The following CCND3 variants were observed in gnomAD, a reference collection of about 807,000 sequenced individuals.
The protein encoded by CCND3 is cyclin D3, also known as G1/S-specific cyclin-D3.
CCND3 carries 9 observed loss-of-function variants against 28.7 expected under a neutral mutation model. That is an observed-to-expected ratio of 0.31 (90% CI 0.19 to 0.55). The LOEUF is 0.55. Ranked by LOEUF, CCND3 falls within the 20% of genes least tolerant of loss-of-function variation. CCND3 has a pLI of 0.93. For synonymous variants in CCND3, 164 were observed against 163.9 expected (o/e 1.00, Z 0.00); for missense variants, 315 against 385.8 (o/e 0.82, Z 1.54).
At chr6:42,015,215 T>A (rs6928971) in intron 1 of CCND3, among the ~76,000 whole-genome samples, 117,354 of 151,462 alleles carry the variant, frequency 0.77, 46,311 homozygotes, top group Non-Finnish European at 0.85. Flanking sequence ...AGCTCCAGAA[T>A]GGACACCCTT....
intron 1 of CCND3, among the ~76,000 whole-genome samples, chr6:42,011,395 G>A (rs1235994125): frequency 6.6e-6 from 1 of 152,170 alleles, no homozygotes; most frequent in East Asian, 1.9e-4. Context: ...AAAATGCTGA[G>A]ATTATAGGCA....
intron 1 of CCND3, 102 bp from the exon 2 acceptor site, chr6:41,940,687 CAG>C (rs1775974566): frequency 4.7e-6 from 4 of 852,698 alleles, no homozygotes; most frequent in Non-Finnish European, 5.9e-6. Flanking sequence ...GCAAAAACGG[CAG>C]AGAGGGTAAG....
intron 1 of CCND3, among the ~76,000 whole-genome samples, chr6:42,035,656 C>T (rs1259027580): frequency 2.7e-5 from 4 of 149,766 alleles, no homozygotes; most frequent in East Asian, 2.0e-4. Flanking sequence ...TGTTAGCCAC[C>T]GTGCCCAGCT....
chr6:41,950,713 CTTTTTTTTTTTTT>C (rs1396527175), intron 1 of CCND3, among the ~76,000 whole-genome samples: 25 of 137,198 alleles, frequency 1.8e-4, no homozygotes, highest in African/African-American at 5.6e-4. Flanking sequence ...TTTTTTTTTT[CTTTTTTTTTTTTT>C]GAGATGGAGT....
At chr6:41,956,109 T>C (rs1330678493) in intron 1 of CCND3, among the ~76,000 whole-genome samples, 1 of 151,972 alleles carries the variant, frequency 6.6e-6, no homozygotes, top group Non-Finnish European at 1.5e-5. Context: ...CTGGCCAACA[T>C]GGTGAAACCC....
intron 1 of CCND3, among the ~76,000 whole-genome samples, chr6:42,045,206 C>T (rs1030907920): frequency 6.6e-6 from 1 of 152,098 alleles, no homozygotes; most frequent in Non-Finnish European, 1.5e-5. Context: ...ATATTTCAGC[C>T]TCCCTGTCTC....
chr6:42,003,051 A>G (rs1017703317), intron 1 of CCND3, among the ~76,000 whole-genome samples: 1 of 151,398 alleles, frequency 6.6e-6, no homozygotes, highest in African/African-American at 2.4e-5. Context: ...AATCCCAGCT[A>G]CTTGGGAGGC....
At chr6:41,961,995 C>T (rs919874056) in intron 1 of CCND3, among the ~76,000 whole-genome samples, 2 of 152,186 alleles carry the variant, frequency 1.3e-5, no homozygotes, top group African/African-American at 4.8e-5. Flanking sequence ...TCTGGTCCTT[C>T]CACTCAGTGC....
Position 41,935,625 on chromosome 6 carries a change from G to GA in CCND3, c.*314_*315insT, listed in dbSNP as rs961622162. ...ATGAGAGCCCCCAGGGGTGGGGGGG[G>GA]GCGTTCAAAAGGAATGCTGGTGTAT... On this transcript the variant is annotated 3_prime_UTR_variant, in exon 5 of 5. Transcript: ENST00000372991. 1.1e-5 allele frequency: 5 copies of GA among 469,666 alleles called. No homozygotes were observed. Among genetic ancestry groups the GA allele is most frequent in the Non-Finnish European group, 1.9e-5 (5 of 262,918 alleles). The allele number at this position is 469,666 out of a possible 1,614,324, so 29.1% of individuals were successfully genotyped here. A position where few individuals can be genotyped will look rare whatever the true frequency, so the allele number is the denominator to read the frequency against.
At position 41,938,716 on chromosome 6, in the gene CCND3, G is replaced by A. The variant is rs1472170738; in HGVS notation, c.415-1322C>T. Among the ~76,000 whole-genome samples the A allele has an allele frequency of 6.6e-6, 1 of 152,150 alleles. No homozygotes were observed. Among genetic ancestry groups the A allele is most frequent in the African/African-American group, 2.4e-5 (1 of 41,416 alleles). On this transcript the variant is annotated intron_variant, in intron 2 of 4. Transcript: ENST00000372991. The surrounding 1 kb of genome is among the most constrained non-coding windows in gnomAD (Gnocchi z 4.6). Reference sequence around the variant, plus strand: ...CTGGGAGTGCTTAGCTTCAGTAGGTGGCAGCGGCCATCACATTCCTGACTT... The same window carrying A: ...CTGGGAGTGCTTAGCTTCAGTAGGTAGCAGCGGCCATCACATTCCTGACTT...
chr6:42,028,671 C>T (rs572525719), intron 1 of CCND3, among the ~76,000 whole-genome samples: 3 of 152,328 alleles, frequency 2.0e-5, no homozygotes, highest in East Asian at 1.9e-4. Context: ...AGCTGGGTTC[C>T]GTTCCCAGCT....
In CCND3 at chr6:42,001,680, T is replaced by C. The variant is rs796547121; in HGVS notation, c.-46+46821A>G. ...TCACTTGAGCTCAGGAGTTCAAGGA[T>C]AGCCTGAGCAGCACAGCAAGACTCC... On this transcript the variant is annotated intron_variant, in intron 1 of 4. Transcript: ENST00000372988. Among the ~76,000 whole-genome samples the C allele has an allele frequency of 3.1e-4, 47 of 152,064 alleles. 1 individual carries two copies. Among genetic ancestry groups the C allele is most frequent in the African/African-American group, 1.1e-3 (46 of 41,486 alleles).
At chr6:42,022,181 A>G (rs1763731233) in intron 1 of CCND3, among the ~76,000 whole-genome samples, 1 of 152,246 alleles carries the variant, frequency 6.6e-6, no homozygotes, top group Non-Finnish European at 1.5e-5. Flanking sequence ...ATCCACGATC[A>G]TCTTGCCAGG....
chr6:42,049,716 G>A (rs1160097323), upstream of CCND3: 1 of 152,314 alleles, frequency 6.6e-6, no homozygotes, highest in African/African-American at 2.4e-5. Flanking sequence ...TGGACTAGGT[G>A]GTCCAGGCTC....
intron 1 of CCND3, among the ~76,000 whole-genome samples, chr6:41,952,394 G>A (rs1776337894): frequency 6.6e-6 from 1 of 152,178 alleles, no homozygotes; most frequent in Non-Finnish European, 1.5e-5. Context: ...GTGGACAAAT[G>A]GAGCTCAATC....
At chr6:41,999,011 A>G (rs1762903575) in intron 1 of CCND3, among the ~76,000 whole-genome samples, 1 of 151,834 alleles carries the variant, frequency 6.6e-6, no homozygotes, top group Admixed American at 6.6e-5. Flanking sequence ...AACTTCCTTA[A>G]TCTAAAACCC....
intron 1 of CCND3, among the ~76,000 whole-genome samples, chr6:41,959,279 A>C (rs1458080248): frequency 6.6e-6 from 1 of 151,976 alleles, no homozygotes; most frequent in East Asian, 1.9e-4. Context: ...GCCTCATTGC[A>C]CTCCAACCTG....
chr6:42,046,566 C>T (rs9369327), intron 1 of CCND3, among the ~76,000 whole-genome samples: 10,046 of 152,290 alleles, frequency 0.066, 432 homozygotes, highest in East Asian at 0.11. Context: ...TCATTCCTCC[C>T]GGTTTATTCA....
chr6:41,979,119 C>G (rs1162336586), intron 1 of CCND3, among the ~76,000 whole-genome samples: 1 of 123,720 alleles, frequency 8.1e-6, no homozygotes, highest in Admixed American at 1.0e-4. Flanking sequence ...TTCAGTGAGC[C>G]GAGATCACAC....
Sources: allele counts gnomAD v4.1 joint callset (sites outside exome capture counted in the v4.1 genomes callset), GRCh38; gene constraint gnomAD v4.1.1; non-coding constraint Gnocchi (gnomAD v3.1); transcripts MANE v1.5; gene names NCBI Gene and HGNC (gene_info 2026-07-23, HGNC 2026-07-21).